Variants in TOPAZ1 observed in about 807,000 individuals in gnomAD.
TOPAZ1 encodes the protein testis and ovary specific TOPAZ 1.
Under a neutral mutation model 172.2 loss-of-function variants are expected in TOPAZ1, and 66 were observed. The ratio of observed to expected loss-of-function variants is 0.38; its 90% CI spans 0.31 to 0.47. The LOEUF (loss-of-function observed/expected upper bound fraction) is 0.47, where lower values mean the gene tolerates loss of function less well. Among genes scored for constraint, TOPAZ1 ranks in the 20% least tolerant of loss-of-function variants. The pLI is 0.99. For missense variants in TOPAZ1, 1,822 were observed against 1,972.4 expected (o/e 0.92, Z 1.44); for synonymous variants, 681 against 683.9 (o/e 1.00, Z 0.07).
intron 13 of TOPAZ1, among the ~76,000 whole-genome samples, 166 bp from the exon 14 acceptor site, chr3:44,304,981 T>C (rs1052215556): frequency 1.3e-5 from 2 of 152,232 alleles, no homozygotes; most frequent in Non-Finnish European, 2.9e-5. Flanking sequence ...CAATAGTGTG[T>C]TGTTGATGTG....
Position 44,243,165 on chromosome 3 carries a change from A to G in TOPAZ1, c.659A>G (p.Asn220Ser). The change falls in exon 2 of 20, where the codon AAT (asparagine) becomes AGT (serine). Residue 220 changes from asparagine (N) to serine (S), a missense_variant. Asn to Ser is a conservative substitution (Grantham distance 46). Around this residue, in one of 2 missense-constraint regions of TOPAZ1, gnomAD observed 1,489 missense variants for 1,490.8 expected, o/e 1.00. Transcript: ENST00000309765. ...SCNILSPEVE[N>S]NSVLKLRDCN... ...AATATCTTGTCACCTGAAGTAGAAA[A>G]TAATTCCGTTTTAAAATTACGTGAT... 1.3e-6 allele frequency: 2 copies of G among 1,549,894 alleles called. No homozygotes were observed. Among genetic ancestry groups the G allele is most frequent in the South Asian group, 2.4e-5 (2 of 83,430 alleles).
chr3:44,262,079 TTAAAA>T (rs376852754), intron 4 of TOPAZ1, among the ~76,000 whole-genome samples: 1 of 152,278 alleles, frequency 6.6e-6, no homozygotes, highest in Non-Finnish European at 1.5e-5. Context: ...AAATACCACT[TTAAAA>T]TAACTCAAAG....
intron 4 of TOPAZ1, among the ~76,000 whole-genome samples, chr3:44,256,524 TGAAGTTTGTCACAA>T (rs1464177797): frequency 6.6e-6 from 1 of 152,196 alleles, no homozygotes; most frequent in African/African-American, 2.4e-5. Flanking sequence ...TTTTAGTATC[TGAAGTTTGTCACAA>T]ACCTATGAAA....
Position 44,299,370 on chromosome 3 carries a change from T to G in TOPAZ1, c.3798-4645T>G, listed in dbSNP as rs866729087. On this transcript the variant is annotated intron_variant, in intron 12 of 19. Coordinates refer to ENST00000309765, the MANE Select transcript of TOPAZ1 (RefSeq NM_001145030.2). Reference sequence around the variant, plus strand: ...GAAAAAATGCTCACCATCACTGGCTTTCAGAGAAATGCAAATCAAAACCAC... The same window carrying G: ...GAAAAAATGCTCACCATCACTGGCTGTCAGAGAAATGCAAATCAAAACCAC... 4.6e-5 allele frequency among the ~76,000 whole-genome samples: 7 copies of G among 152,202 alleles called. No homozygotes were observed. In the South Asian group the frequency reaches 1.5e-3, roughly 32 times the overall value.
intron 5 of TOPAZ1, among the ~76,000 whole-genome samples, chr3:44,264,656 C>T (rs1315766648): frequency 1.3e-5 from 2 of 152,178 alleles, no homozygotes; most frequent in African/African-American, 2.4e-5. Context: ...TTCTCTGTAG[C>T]ATGTGATGCT....
intron 2 of TOPAZ1, among the ~76,000 whole-genome samples, chr3:44,252,784 A>G (rs1699649628): frequency 6.6e-6 from 1 of 150,826 alleles, no homozygotes; most frequent in Non-Finnish European, 1.5e-5. Context: ...CTTGTACTGG[A>G]ATTGCTGGAA....
In TOPAZ1 at chr3:44,325,790, C is replaced by T. The variant is rs1033220325; in HGVS notation, c.4676-2460C>T. Among the ~76,000 whole-genome samples, 4 of 152,244 alleles carry T rather than the reference C, an allele frequency of 2.6e-5. No homozygotes were observed. In the South Asian group the frequency reaches 8.3e-4, roughly 32 times the overall value. Reference sequence around the variant, plus strand: ...TCCTGAGTAGCTGGGATTACAGGCACATATCACCATGCGCAGCTAATTTTG... The same window carrying T: ...TCCTGAGTAGCTGGGATTACAGGCATATATCACCATGCGCAGCTAATTTTG... On this transcript the variant is annotated intron_variant, in intron 18 of 19. Transcript: ENST00000309765.
downstream of TOPAZ1, among the ~76,000 whole-genome samples, chr3:44,336,471 G>C (rs1700727904): frequency 6.6e-6 from 1 of 152,216 alleles, no homozygotes; most frequent in African/African-American, 2.4e-5. Flanking sequence ...GCCACAATCA[G>C]ATTTGCCCTG....
chr3:44,319,553 T>C (rs1441612616), intron 16 of TOPAZ1, among the ~76,000 whole-genome samples: 1 of 152,132 alleles, frequency 6.6e-6, no homozygotes, highest in African/African-American at 2.4e-5. Flanking sequence ...AACGAACAGT[T>C]TTACTTTTAA....
rs10663255 is a variant in TOPAZ1 at position 44,255,651 on chromosome 3, CA to C, written c.2828-488del. Among the ~76,000 whole-genome samples the C allele has an allele frequency of 5.3e-4, 46 of 86,248 alleles. 1 individual carries two copies. Among genetic ancestry groups the C allele is most frequent in the South Asian group, 5.3e-4 (1 of 1,894 alleles). The allele number at this position is 86,248 out of a possible 152,430, so 56.6% of individuals were successfully genotyped here. On this transcript the variant is annotated intron_variant, in intron 3 of 19. Transcript: ENST00000309765. ...TGGGCAACAGTGCGAGACTCTGTCT[CA>C]AAAAAAAAAAATATATATACACACA...
chr3:44,325,646 T>C (rs1443899923), intron 18 of TOPAZ1, among the ~76,000 whole-genome samples: 1 of 151,806 alleles, frequency 6.6e-6, no homozygotes, highest in East Asian at 1.9e-4. Context: ...TGACTGGCTT[T>C]TTTTTTTTTT....
Position 44,242,849 on chromosome 3 carries a change from T to C in TOPAZ1, c.347-4T>C, listed in dbSNP as rs563203663. 1.3e-6 allele frequency: 2 copies of C among 1,484,564 alleles called. No individual in the cohort carries two copies. The highest frequency in any genetic ancestry group is 5.0e-5 in the East Asian group (2 of 39,978). The allele number at this position is 1,484,564 out of a possible 1,614,324, so 92.0% of individuals were successfully genotyped here. On this transcript the variant is annotated splice_polypyrimidine_tract_variant and splice_region_variant and intron_variant, in intron 1 of 19. Transcript: ENST00000309765. ...TTTCTGATATATTTTGTTGTTTTGA[T>C]CAGCCAAGGAAAAAAGAAAAGTTAC...
intron 12 of TOPAZ1, among the ~76,000 whole-genome samples, chr3:44,302,192 C>T (rs141655000): frequency 6.6e-5 from 10 of 152,182 alleles, no homozygotes; most frequent in Admixed American, 1.3e-4. Flanking sequence ...GGGCAGATCA[C>T]GAGGTCAGGA....
intron 2 of TOPAZ1, among the ~76,000 whole-genome samples, chr3:44,251,248 G>C (rs1348960926): frequency 1.3e-5 from 2 of 152,014 alleles, no homozygotes; most frequent in Non-Finnish European, 2.9e-5. Flanking sequence ...AGCCTTCCAA[G>C]TAGCTGGGGC....
chr3:44,277,864 G>A (rs974503049), intron 8 of TOPAZ1, among the ~76,000 whole-genome samples: 2 of 152,190 alleles, frequency 1.3e-5, no homozygotes, highest in East Asian at 3.8e-4. Flanking sequence ...CTTCTGCCAT[G>A]ATTGTAAACT....
At chr3:44,304,843 T>C (rs1321095061) in intron 13 of TOPAZ1, among the ~76,000 whole-genome samples, 3 of 152,178 alleles carry the variant, frequency 2.0e-5, no homozygotes, top group African/African-American at 7.2e-5. Flanking sequence ...GTAAAATCCA[T>C]CTCCACTGTC....
At chr3:44,326,979 A>C (rs907924033) in intron 18 of TOPAZ1, among the ~76,000 whole-genome samples, 1 of 152,240 alleles carries the variant, frequency 6.6e-6, no homozygotes, top group Non-Finnish European at 1.5e-5. Flanking sequence ...TAGTAAAGTT[A>C]ATGAGTTAAC....
intron 2 of TOPAZ1, among the ~76,000 whole-genome samples, chr3:44,247,896 C>A (rs906572581): frequency 6.6e-6 from 1 of 152,188 alleles, no homozygotes; most frequent in Admixed American, 6.5e-5. Flanking sequence ...AGTGATCTGC[C>A]TGCCTTGGCC....
chr3:44,244,692 A>G lies in TOPAZ1; in HGVS notation c.2186A>G (p.Asn729Ser). The G allele has an allele frequency of 6.4e-7, 1 of 1,551,484 alleles. No homozygotes were observed. The highest frequency in any genetic ancestry group is 8.7e-7 in the Non-Finnish European group (1 of 1,146,970). The change falls in exon 2 of 20, where the codon AAC becomes AGC. Residue 729 changes from asparagine (N) to serine (S), a missense_variant. Asn to Ser is a conservative substitution (Grantham distance 46). Transcript: ENST00000309765. ...DNLSGADVRQ[N>S]RSKENVSMMM... ...TTATCTGGAGCAGACGTAAGACAGA[A>G]CAGGAGTAAAGAAAATGTCTCCATG...
Sources: gnomAD v4.1 joint callset for allele counts (sites outside exome capture counted in the v4.1 genomes callset) on GRCh38, gnomAD v4.1.1 for gene constraint, gnomAD v4.1.1 regional missense constraint, MANE v1.5 for transcripts, NCBI Gene and HGNC (gene_info 2026-07-23, HGNC 2026-07-21) for gene names.